GPHN: variants seen among roughly 807,000 people sequenced by gnomAD.
GPHN encodes gephyrin.
GPHN carries 17 observed loss-of-function variants against 95.5 expected under a neutral mutation model. The ratio of observed to expected loss-of-function variants is 0.18; its 90% CI spans 0.12 to 0.27. The LOEUF (loss-of-function observed/expected upper bound fraction) is 0.27, where lower values mean the gene tolerates loss of function less well. GPHN is among the 10% of genes least tolerant of loss of function. GPHN has a pLI of 1.00. For synonymous variants in GPHN, 320 were observed against 322.5 expected (o/e 0.99, Z 0.08); for missense variants, 660 against 978.1 (o/e 0.67, Z 4.34).
intron 17 of GPHN, among the ~76,000 whole-genome samples, chr14:67,135,885 G>T (rs546496860): frequency 3.3e-5 from 5 of 151,842 alleles, no homozygotes; most frequent in African/African-American, 1.2e-4. Context: ...TCTATCTTTT[G>T]CACTTTTGCA....
At chr14:67,047,098 T>C (rs373785832) in intron 10 of GPHN, among the ~76,000 whole-genome samples, 1 of 152,126 alleles carries the variant, frequency 6.6e-6, no homozygotes, top group East Asian at 1.9e-4. Context: ...GCAGTAATAT[T>C]AATAGGAACA....
intron 1 of GPHN, among the ~76,000 whole-genome samples, chr14:66,559,707 G>A (rs1239446223): frequency 6.6e-6 from 1 of 151,540 alleles, no homozygotes; most frequent in East Asian, 1.9e-4. Context: ...CACTCTGATG[G>A]TAGTTTCTTT....
the GPHN span, among the ~76,000 whole-genome samples, chr14:67,539,618 A>T: frequency 1.3e-5 from 2 of 152,198 alleles, no homozygotes; most frequent in African/African-American, 4.8e-5. Flanking sequence ...GAAAGATCCT[A>T]GAAACGATTT....
At chr14:66,686,248 A>G (rs1159972230) in intron 2 of GPHN, among the ~76,000 whole-genome samples, 1 of 152,206 alleles carries the variant, frequency 6.6e-6, no homozygotes, top group Non-Finnish European at 1.5e-5. Flanking sequence ...TTGGTTCCAT[A>G]TGAACTTTAA....
At chr14:67,477,032 G>A in the GPHN span, among the ~76,000 whole-genome samples, 10 of 152,132 alleles carry the variant, frequency 6.6e-5, no homozygotes, top group Admixed American at 6.5e-4. Flanking sequence ...GAAATGTGGT[G>A]GCATGCGCCT....
At chr14:67,287,068 A>T in the GPHN span, among the ~76,000 whole-genome samples, 1 of 151,828 alleles carries the variant, frequency 6.6e-6, no homozygotes, top group South Asian at 2.1e-4. Flanking sequence ...ATACAAAAAA[A>T]TTAGTTGGGT....
intron 21 of GPHN, among the ~76,000 whole-genome samples, chr14:67,169,516 A>G (rs1241628750): frequency 2.0e-5 from 3 of 152,184 alleles, no homozygotes; most frequent in African/African-American, 7.2e-5. Flanking sequence ...GGGTAACCAT[A>G]TTGTTTAGAA....
At position 66,890,364 on chromosome 14, in the gene GPHN, C is replaced by T. The variant is rs1360236830; in HGVS notation, c.389+10331C>T. 7.0e-5 allele frequency among the ~76,000 whole-genome samples: 10 copies of T among 143,300 alleles called. No homozygotes were observed. The East Asian group carries it at 1.7e-3, about 24-fold the overall frequency. 94.0% of individuals were successfully genotyped at this position (143,300 alleles called of 152,430 possible). On this transcript the variant is annotated intron_variant, in intron 5 of 22. Transcript: ENST00000478722. ...TAGAGGCCACACAGTGAGCCCTGAT[C>T]ATGCGCACTGCGCTCCAGCCTGGGC...
At chr14:67,465,442 G>C in the GPHN span, among the ~76,000 whole-genome samples, 3 of 152,134 alleles carry the variant, frequency 2.0e-5, no homozygotes, top group Admixed American at 6.5e-5. Context: ...CTAAGGTGTC[G>C]AGCTTGATCC....
the GPHN span, among the ~76,000 whole-genome samples, chr14:67,721,202 C>G: frequency 2.6e-5 from 4 of 152,122 alleles, no homozygotes; most frequent in African/African-American, 9.7e-5. Flanking sequence ...GGAAATTATT[C>G]CTGGGGTCCT....
At chr14:66,963,110 A>G (rs1567157332) in intron 8 of GPHN, among the ~76,000 whole-genome samples, 1 of 151,990 alleles carries the variant, frequency 6.6e-6, no homozygotes, top group Non-Finnish European at 1.5e-5. Flanking sequence ...GATCTGACAC[A>G]TTTGAATGAC....
chr14:67,119,681 T>G lies in GPHN; in HGVS notation c.1627-2575T>G, dbSNP rs188244047. Among the ~76,000 whole-genome samples, 1,234 of 152,074 alleles carry G rather than the reference T, an allele frequency of 8.1e-3. 13 individuals are homozygous for G. The highest frequency in any genetic ancestry group is 0.028 in the African/African-American group (1,165 of 41,468). On this transcript the variant is annotated intron_variant, in intron 16 of 22. Coordinates refer to ENST00000478722, the MANE Select transcript of GPHN (RefSeq NM_020806.5). ...GGCGCATGCCTGTAATCCCAGCTAC[T>G]CGGGAGGCTGAGGCAGGAGACTCGC...
chr14:66,941,692 A>T (rs1031568787), intron 8 of GPHN, among the ~76,000 whole-genome samples: 2 of 152,108 alleles, frequency 1.3e-5, no homozygotes, highest in Non-Finnish European at 2.9e-5. Context: ...GTAAAAAAAA[A>T]AAAAACTTGT....
intron 2 of GPHN, among the ~76,000 whole-genome samples, chr14:66,683,387 T>G (rs1202950136): frequency 7.8e-6 from 1 of 127,638 alleles, no homozygotes; most frequent in Non-Finnish European, 1.5e-5. Flanking sequence ...TATGTTCATA[T>G]ATATATGTTC....
At chr14:67,513,180 T>C in the GPHN span, among the ~76,000 whole-genome samples, 2 of 152,174 alleles carry the variant, frequency 1.3e-5, no homozygotes, top group Admixed American at 1.3e-4. Flanking sequence ...GAAAAGCCCA[T>C]CCTCTAACCA....
At chr14:66,712,089 C>T (rs1031052050) in intron 2 of GPHN, among the ~76,000 whole-genome samples, 10 of 152,150 alleles carry the variant, frequency 6.6e-5, no homozygotes, top group Admixed American at 4.6e-4. Context: ...GATTTATAAT[C>T]CTTTGGGTAT....
At position 66,877,594 on chromosome 14, in the gene GPHN, G is replaced by A. The variant is rs925888561; in HGVS notation, c.295-2345G>A. Among the ~76,000 whole-genome samples, 7 of 152,116 alleles carry A rather than the reference G, an allele frequency of 4.6e-5. No homozygotes were observed. The East Asian group carries it at 9.7e-4, about 21-fold the overall frequency. On this transcript the variant is annotated intron_variant, in intron 4 of 22. Coordinates refer to ENST00000478722, the MANE Select transcript of GPHN (RefSeq NM_020806.5). ...CAAGAATTCTTATACAACAATAATA[G>A]ACCAACAGAGAGCCAAATCATGAGT...
At chr14:67,302,696 A>G in the GPHN span, 1 of 719,406 alleles carries the variant, frequency 1.4e-6, no homozygotes, top group South Asian at 4.9e-5. Flanking sequence ...TTTTTCCATG[A>G]TGTAACTGTT....
At chr14:67,436,306 G>T in the GPHN span, among the ~76,000 whole-genome samples, 1 of 152,170 alleles carries the variant, frequency 6.6e-6, no homozygotes, top group Non-Finnish European at 1.5e-5. Context: ...AGTAGCTGGG[G>T]GATATTGGGG....
Sources: allele counts gnomAD v4.1 joint callset (sites outside exome capture counted in the v4.1 genomes callset), GRCh38; gene constraint gnomAD v4.1.1; transcripts MANE v1.5; gene names NCBI Gene and HGNC (gene_info 2026-07-23, HGNC 2026-07-21).